VLDLR: variants seen among roughly 807,000 people sequenced by gnomAD.
VLDLR encodes very low-density lipoprotein receptor.
Under a neutral mutation model 112.7 loss-of-function variants are expected in VLDLR, and 81 were observed. The observed-to-expected ratio is 0.72, with a 90% confidence interval of 0.60 to 0.86. The LOEUF is 0.86. Ranked by LOEUF, VLDLR falls within the 40% of genes least tolerant of loss-of-function variation. The probability of loss-of-function intolerance (pLI) is 0.00; values close to 1 mark genes in which losing one functional copy is unlikely to be tolerated. For missense variants in VLDLR, 1,237 were observed against 1,099.4 expected (o/e 1.13, Z -1.77); for synonymous variants, 436 against 384.8 (o/e 1.13, Z -1.56).
chr9:2,653,057 CT>C (rs1384271839), intron 18 of VLDLR, 108 bp downstream of exon 18: 33 of 1,384,384 alleles, frequency 2.4e-5, no homozygotes, highest in Admixed American at 1.0e-4. Flanking sequence ...TTACCAAACA[CT>C]TCATCTGCTA....
chr9:2,635,551 G>A lies in VLDLR; in HGVS notation c.181G>A (p.Gly61Ser), dbSNP rs781447385. 3.0e-5 allele frequency: 48 copies of A among 1,613,976 alleles called. No individual in the cohort carries two copies. Among genetic ancestry groups the A allele is most frequent in the Non-Finnish European group, 3.8e-5 (45 of 1,179,972 alleles). The part of the protein sequence containing the change: ...KCDGDEDCVD[G>S]SDEKNCVKKT... ...TGATGGGGATGAAGACTGTGTTGAC[G>A]GCAGTGATGAAAAGAACTGTGGTAA... The change falls in exon 2 of 19, where the codon GGC (glycine) becomes AGC (serine). Residue 61 changes from glycine (G) to serine (S), a missense_variant. Coordinates refer to ENST00000382100, the MANE Select transcript of VLDLR (RefSeq NM_003383.5).
chr9:2,633,650 A>G (rs1817467192), intron 1 of VLDLR, among the ~76,000 whole-genome samples: 2 of 152,138 alleles, frequency 1.3e-5, no homozygotes, highest in Admixed American at 1.3e-4. Flanking sequence ...TCTTTACTGT[A>G]TCTTAACTCC....
intron 14 of VLDLR, among the ~76,000 whole-genome samples, chr9:2,649,800 C>T (rs1316200068): frequency 6.6e-6 from 1 of 152,176 alleles, no homozygotes; most frequent in Non-Finnish European, 1.5e-5. Context: ...ACTAGGACTT[C>T]ATTATATGAA....
At chr9:2,646,659 G>A in intron 11 of VLDLR, 107 bp downstream of exon 11, 3 of 1,089,294 alleles carry the variant, frequency 2.8e-6, no homozygotes, top group Non-Finnish European at 4.1e-6. Flanking sequence ...TGAGCCTTCT[G>A]CAACAAAGAA....
intron 1 of VLDLR, among the ~76,000 whole-genome samples, chr9:2,627,471 G>C (rs1165253843): frequency 6.6e-6 from 1 of 152,108 alleles, no homozygotes; most frequent in Non-Finnish European, 1.5e-5. Flanking sequence ...TCAGGTGTTG[G>C]AACCTCTCTT....
At chr9:2,643,059 T>C in intron 4 of VLDLR, 101 bp from the exon 5 acceptor site, 1 of 1,565,672 alleles carries the variant, frequency 6.4e-7, no homozygotes, top group African/African-American at 1.3e-5. Context: ...GCTAGTAAGT[T>C]AGGATTAATG....
rs1251847936 is a variant in VLDLR, at chr9:2,650,445, A to G, written c.2180A>G (p.Asp727Gly). 1 of 1,614,160 alleles carries G rather than the reference A, an allele frequency of 6.2e-7. No homozygotes were observed. Among genetic ancestry groups the G allele is most frequent in the Non-Finnish European group, 8.5e-7 (1 of 1,180,024 alleles). The change falls in exon 15 of 19, where the codon GAT becomes GGT. Residue 727 changes from aspartate (D) to glycine (G), a missense_variant. Physicochemically the swap from Asp to Gly is moderately conservative, Grantham distance 94. Transcript: ENST00000382100. ...TGCCTGCCAGCACCACAGATTAATG[A>G]TCACTCTCCAAAATATACCTGTTCC... is the stretch of plus-strand genomic sequence containing the variant. ...YLCLPAPQIN[D>G]HSPKYTCSCP...
Position 2,644,898 on chromosome 9 carries a change from G to A in VLDLR, c.1186+45G>A. 4 of 1,614,142 alleles carry A rather than the reference G, an allele frequency of 2.5e-6. 1 individual carries two copies. The highest frequency in any genetic ancestry group is 2.2e-5 in the South Asian group (2 of 91,078). On this transcript the variant is annotated intron_variant, in intron 8 of 18. Coordinates refer to ENST00000382100, the MANE Select transcript of VLDLR (RefSeq NM_003383.5). The stretch of plus-strand genomic sequence containing the variant: ...CTGGACCCTGCAGGTGATGGGAAAG[G>A]ATAGTATGTACCTAGTAAGGTATAG...
chr9:2,648,690 G>T lies in VLDLR; in HGVS notation c.1984G>T (p.Gly662Trp), dbSNP rs1818175879. Residue 662 changes from glycine (G) to tryptophan (W), a missense_variant, in exon 14 of 19, where the codon GGG (glycine) becomes TGG (tryptophan). Coordinates refer to ENST00000382100, the MANE Select transcript of VLDLR (RefSeq NM_003383.5). Reference protein sequence around the residue: ...IFEDRVYWIDGENEAVYGANK... With the variant: ...IFEDRVYWIDWENEAVYGANK... ...TTAGGATCGTGTCTACTGGATAGAT[G>T]GGGAAAATGAAGCAGTCTATGGTGC... is the stretch of plus-strand genomic sequence containing the variant. 12 of 1,614,046 alleles carry T rather than the reference G, an allele frequency of 7.4e-6. No individual in the cohort carries two copies. Among genetic ancestry groups the T allele is most frequent in the Non-Finnish European group, 1.0e-5 (12 of 1,180,034 alleles).
At chr9:2,629,707 T>C (rs1292886444) in intron 1 of VLDLR, among the ~76,000 whole-genome samples, 1 of 152,256 alleles carries the variant, frequency 6.6e-6, no homozygotes, top group African/African-American at 2.4e-5. Flanking sequence ...ACAATTGAAC[T>C]GTAAAATTCA....
At chr9:2,629,891 G>A (rs1237069266) in intron 1 of VLDLR, among the ~76,000 whole-genome samples, 1 of 152,180 alleles carries the variant, frequency 6.6e-6, no homozygotes, top group Admixed American at 6.5e-5. Context: ...CTACCTCCCA[G>A]GTTCAAACAA....
At chr9:2,632,712 T>A (rs1817409715) in intron 1 of VLDLR, among the ~76,000 whole-genome samples, 1 of 151,986 alleles carries the variant, frequency 6.6e-6, no homozygotes, top group African/African-American at 2.4e-5. Context: ...ACAGAAAACT[T>A]AACAGTGTTC....
intron 4 of VLDLR, among the ~76,000 whole-genome samples, chr9:2,642,959 G>A (rs1485882361): frequency 6.6e-6 from 1 of 152,050 alleles, no homozygotes; most frequent in Non-Finnish European, 1.5e-5. Context: ...CTTTATTTCT[G>A]TTCTTCTTAT....
In VLDLR at chr9:2,654,280, T is replaced by C. The variant is rs904718960; in HGVS notation, c.*412T>C. 1.1e-5 allele frequency: 2 copies of C among 185,146 alleles called. No individual in the cohort carries two copies. Among genetic ancestry groups the C allele is most frequent in the Admixed American group, 1.1e-4 (2 of 18,406 alleles). 11.5% of individuals were successfully genotyped at this position (185,146 alleles called of 1,614,324 possible). A position where few individuals can be genotyped will look rare whatever the true frequency, so the allele number is the denominator to read the frequency against. On this transcript the variant is annotated 3_prime_UTR_variant, in exon 19 of 19. Coordinates refer to ENST00000382100, the MANE Select transcript of VLDLR (RefSeq NM_003383.5). The stretch of plus-strand genomic sequence containing the variant: ...CACTTTGAAAATATTTCTATGTAAA[T>C]TATTGTAAACTTTTTCAATGGTTGG...
At chr9:2,625,738 T>C (rs1314189805) in intron 1 of VLDLR, among the ~76,000 whole-genome samples, 3 of 152,222 alleles carry the variant, frequency 2.0e-5, no homozygotes, top group Admixed American at 6.5e-5. Context: ...AACAGAGTGA[T>C]AGACTACTTT....
rs947520761 is a variant in VLDLR, at chr9:2,622,199, T to A, written c.10T>A (p.Ser4Thr). The change falls in exon 1 of 19, where the codon TCC becomes ACC. Residue 4 changes from serine (S) to threonine (T), a missense_variant. Ser to Thr is a moderately conservative substitution (Grantham distance 58). Transcript: ENST00000382100. Reference sequence around the variant, plus strand: ...CATCCAGGCGGGCACCATGGGCACGTCCGCGCTCTGGGCGCTCTGGCTGCT... The same window carrying A: ...CATCCAGGCGGGCACCATGGGCACGACCGCGCTCTGGGCGCTCTGGCTGCT... MGT[S>T]ALWALWLLLA... 1.1e-5 allele frequency: 17 copies of A among 1,498,882 alleles called. No homozygotes were observed. Among genetic ancestry groups the A allele is most frequent in the Non-Finnish European group, 1.5e-5 (17 of 1,130,746 alleles). 92.8% of individuals were successfully genotyped at this position (1,498,882 alleles called of 1,614,324 possible). A position where few individuals can be genotyped will look rare whatever the true frequency, so the allele number is the denominator to read the frequency against.
At chr9:2,649,216 A>T (rs1818204609) in intron 14 of VLDLR, among the ~76,000 whole-genome samples, 1 of 152,078 alleles carries the variant, frequency 6.6e-6, no homozygotes, top group Non-Finnish European at 1.5e-5. Flanking sequence ...TTGTCTCAAA[A>T]CTCTGGAGGC....
chr9:2,647,366 A>T, intron 11 of VLDLR, 108 bp from the exon 12 acceptor site: 1 of 848,226 alleles, frequency 1.2e-6, no homozygotes, highest in Non-Finnish European at 2.0e-6. Context: ...ATTTGTCACT[A>T]GAGAATGCCT....
intron 1 of VLDLR, among the ~76,000 whole-genome samples, chr9:2,624,930 A>G (rs1817024422): frequency 6.6e-6 from 1 of 152,164 alleles, no homozygotes; most frequent in Non-Finnish European, 1.5e-5. Flanking sequence ...GCATTTACCT[A>G]TAGTGCCTGT....
Sources: allele counts gnomAD v4.1 joint callset (sites outside exome capture counted in the v4.1 genomes callset), GRCh38; gene constraint gnomAD v4.1.1; transcripts MANE v1.5; gene names NCBI Gene and HGNC (gene_info 2026-07-23, HGNC 2026-07-21).